The following PDCD1LG2 variants were observed in gnomAD, a reference collection of about 807,000 sequenced individuals.
PDCD1LG2 encodes programmed cell death 1 ligand 2, also known as B7 dendritic cell molecule.
In PDCD1LG2, 32 loss-of-function variants were observed where a neutral mutation model predicts 28.2. That is an observed-to-expected ratio of 1.13 (90% CI 0.86 to 1.52). PDCD1LG2 has a LOEUF of 1.52. PDCD1LG2 is among the 40% of genes most tolerant of loss of function. The pLI is 0.00. For missense variants in PDCD1LG2, 385 were observed against 323.8 expected, an observed-to-expected ratio of 1.19 and a Z score of -1.45; for synonymous variants, 116 against 120.2, an observed-to-expected ratio of 0.97 and a Z score of 0.23.
chr9:5,526,124 C>T (rs4237162), intron 2 of PDCD1LG2, among the ~76,000 whole-genome samples: 94,018 of 151,414 alleles, frequency 0.62, 30,184 homozygotes, highest in African/African-American at 0.78. Flanking sequence ...TGCAGGCAGA[C>T]ATACATCATT....
At chr9:5,533,054 T>TAG (rs770288268) in intron 2 of PDCD1LG2, among the ~76,000 whole-genome samples, 3 of 152,230 alleles carry the variant, frequency 2.0e-5, no homozygotes, top group African/African-American at 4.8e-5. Context: ...CGTATCACAT[T>TAG]TTATACTGAA....
At chr9:5,544,511 T>C (rs919992116) in intron 3 of PDCD1LG2, among the ~76,000 whole-genome samples, 2 of 152,196 alleles carry the variant, frequency 1.3e-5, no homozygotes, top group African/African-American at 4.8e-5. Context: ...TCCTATTGGC[T>C]GTCACGTTCC....
intron 4 of PDCD1LG2, 79 bp downstream of exon 4, chr9:5,549,683 G>A (rs2129880399): frequency 6.5e-7 from 1 of 1,539,314 alleles, no homozygotes; most frequent in Non-Finnish European, 8.9e-7. Context: ...GTGATTTGAG[G>A]AGAGTGTAAT....
Position 5,547,421 on chromosome 9 carries a change from T to G in PDCD1LG2, c.362-1914T>G, listed in dbSNP as rs114916124. Among the ~76,000 whole-genome samples the G allele has an allele frequency of 4.5e-3, 678 of 152,352 alleles. 8 individuals are homozygous for G. Among genetic ancestry groups the G allele is most frequent in the African/African-American group, 0.016 (647 of 41,578 alleles). ...CTTTCCACACTGCCTGGTAACTGCA[T>G]ATGGTATTGATATTTGTTTATTTTT... On this transcript the variant is annotated intron_variant, in intron 3 of 6. Transcript: ENST00000397747.
At chr9:5,557,061 C>T (rs1816456693) in intron 4 of PDCD1LG2, among the ~76,000 whole-genome samples, 1 of 152,190 alleles carries the variant, frequency 6.6e-6, no homozygotes, top group Non-Finnish European at 1.5e-5. Context: ...TATTCTATTT[C>T]TTCCAAAAGG....
At chr9:5,559,726 T>C (rs778998961) in intron 5 of PDCD1LG2, among the ~76,000 whole-genome samples, 1 of 152,242 alleles carries the variant, frequency 6.6e-6, no homozygotes, top group Non-Finnish European at 1.5e-5. Context: ...CTTTTTGCTA[T>C]AATAGGCTTT....
intron 3 of PDCD1LG2, among the ~76,000 whole-genome samples, chr9:5,540,192 A>C (rs1207546908): frequency 1.3e-5 from 2 of 152,216 alleles, no homozygotes; most frequent in African/African-American, 4.8e-5. Flanking sequence ...ACTGAACGAT[A>C]ATAGTGACAC....
At chr9:5,556,386 C>T (rs931051815) in intron 4 of PDCD1LG2, among the ~76,000 whole-genome samples, 1 of 152,170 alleles carries the variant, frequency 6.6e-6, no homozygotes, top group Non-Finnish European at 1.5e-5. Context: ...ATCTTTTCTT[C>T]GTTAATGTTA....
intron 3 of PDCD1LG2, among the ~76,000 whole-genome samples, chr9:5,538,385 T>A (rs980671924): frequency 6.6e-6 from 1 of 152,032 alleles, no homozygotes; most frequent in Non-Finnish European, 1.5e-5. Context: ...ATATATATAT[T>A]TTAGAAATGG....
rs369819616 is a variant in PDCD1LG2 at position 5,522,608 on chromosome 9, A to T, written c.55+7A>T. 1.4e-5 allele frequency: 23 copies of T among 1,612,924 alleles called. No homozygotes were observed. Among genetic ancestry groups the T allele is most frequent in the African/African-American group, 4.0e-5 (3 of 74,892 alleles). Reference sequence around the variant, plus strand: ...CAGCTTCACCAGATAGCAGGTAAGAAAGGACAAAGGGAGAGGCTTAAGAAA... The same window carrying T: ...CAGCTTCACCAGATAGCAGGTAAGATAGGACAAAGGGAGAGGCTTAAGAAA... On this transcript the variant is annotated splice_region_variant and intron_variant, in intron 2 of 6. Coordinates refer to ENST00000397747, the MANE Select transcript of PDCD1LG2 (RefSeq NM_025239.4).
chr9:5,521,258 C>A (rs1481135769), intron 1 of PDCD1LG2, among the ~76,000 whole-genome samples: 1 of 152,002 alleles, frequency 6.6e-6, no homozygotes, highest in African/African-American at 2.4e-5. Context: ...TAAGGGGTTC[C>A]TTTTCAGGGT....
At chr9:5,559,547 G>C (rs949419179) in intron 5 of PDCD1LG2, among the ~76,000 whole-genome samples, 9 of 152,152 alleles carry the variant, frequency 5.9e-5, no homozygotes, top group African/African-American at 2.2e-4. Flanking sequence ...TATCTTCTTT[G>C]AGATGGTCTT....
At chr9:5,558,416 GTCTTTGGTT>G (rs1816490401) in intron 5 of PDCD1LG2, among the ~76,000 whole-genome samples, 2 of 152,166 alleles carry the variant, frequency 1.3e-5, no homozygotes, top group African/African-American at 2.4e-5. Flanking sequence ...TCATGTGTCT[GTCTTTGGTT>G]TCCTGGGTGG....
At chr9:5,513,906 A>G (rs968977291) in intron 1 of PDCD1LG2, among the ~76,000 whole-genome samples, 2 of 152,248 alleles carry the variant, frequency 1.3e-5, no homozygotes, top group African/African-American at 4.8e-5. Flanking sequence ...ATGTTCAGAC[A>G]TTGCTAATTA....
chr9:5,522,744 A>C, intron 2 of PDCD1LG2, 143 bp downstream of exon 2: 1 of 651,606 alleles, frequency 1.5e-6, no homozygotes, highest in Non-Finnish European at 2.6e-6. Context: ...AGCACCACAA[A>C]AAAAAAAAGA....
intron 3 of PDCD1LG2, among the ~76,000 whole-genome samples, chr9:5,536,533 G>A (rs1034171828): frequency 6.6e-6 from 1 of 152,144 alleles, no homozygotes; most frequent in East Asian, 1.9e-4. Context: ...ACATTCTCAG[G>A]ATGCCTTGAT....
At chr9:5,523,256 A>C (rs1586794611) in intron 2 of PDCD1LG2, among the ~76,000 whole-genome samples, 1 of 152,218 alleles carries the variant, frequency 6.6e-6, no homozygotes, top group African/African-American at 2.4e-5. Flanking sequence ...AAGGTAGTTC[A>C]GACCATTCGA....
chr9:5,538,411 C>T (rs10975168), intron 3 of PDCD1LG2, among the ~76,000 whole-genome samples: 9,342 of 151,936 alleles, frequency 0.061, 939 homozygotes, highest in African/African-American at 0.21. Context: ...TTAGGCCGGG[C>T]GCGGTGGCTC....
intron 3 of PDCD1LG2, among the ~76,000 whole-genome samples, chr9:5,547,890 A>G (rs1816243938): frequency 6.6e-6 from 1 of 150,582 alleles, no homozygotes; most frequent in Non-Finnish European, 1.5e-5. Flanking sequence ...GTGAGCCGAG[A>G]TCACGCTGTT....
Sources: gnomAD v4.1 joint callset for allele counts (sites outside exome capture counted in the v4.1 genomes callset) on GRCh38, gnomAD v4.1.1 for gene constraint, MANE v1.5 for transcripts, NCBI Gene and HGNC (gene_info 2026-07-23, HGNC 2026-07-21) for gene names.